APBB2: variants seen among roughly 807,000 people sequenced by gnomAD.
The protein encoded by APBB2 is Fe65-like 1.
APBB2 carries 38 observed loss-of-function variants against 82.5 expected under a neutral mutation model. That is an observed-to-expected ratio of 0.46 (90% CI 0.36 to 0.60). The LOEUF is 0.60. Ranked by LOEUF, APBB2 falls within the 20% of genes least tolerant of loss-of-function variation. The pLI is 0.00. For missense variants in APBB2, 772 were observed against 972.3 expected, an observed-to-expected ratio of 0.79 and a Z score of 2.74; for synonymous variants, 341 against 368.2, an observed-to-expected ratio of 0.93 and a Z score of 0.85.
rs752651644 is a variant in APBB2 at position 40,814,663 on chromosome 4, TAAG to T, written c.*1426_*1428del. ...ATGTTGTAAATGTTAATTTTGACAT[TAAG>T]AAGAAGTAAACAAGACTAATATTGA... On this transcript the variant is annotated 3_prime_UTR_variant, in exon 18 of 18. Transcript: ENST00000508593. The T allele has an allele frequency of 6.6e-6, 1 of 152,244 alleles. No homozygotes were observed. The highest frequency in any genetic ancestry group is 2.4e-5 in the African/African-American group (1 of 41,478). 9.4% of individuals were successfully genotyped at this position (152,244 alleles called of 1,614,324 possible). A position where few individuals can be genotyped will look rare whatever the true frequency, so the allele number is the denominator to read the frequency against.
At chr4:41,022,320 A>C (rs1278800433) in intron 5 of APBB2, among the ~76,000 whole-genome samples, 1 of 152,158 alleles carries the variant, frequency 6.6e-6, no homozygotes, top group Non-Finnish European at 1.5e-5. Flanking sequence ...CGGTGATTCT[A>C]ATCTGTGGCC....
chr4:40,879,637 A>C (rs1020540067), intron 12 of APBB2, among the ~76,000 whole-genome samples: 12 of 152,024 alleles, frequency 7.9e-5, no homozygotes, highest in Admixed American at 7.9e-4. Context: ...CTCATGTTAA[A>C]TTTCTCCTTA....
chr4:40,898,855 TCACACACACACACA>T (rs777366496), intron 10 of APBB2, among the ~76,000 whole-genome samples: 1 of 118,168 alleles, frequency 8.5e-6, no homozygotes, highest in East Asian at 3.0e-4. Context: ...ACACACACAC[TCACACACACACACA>T]CACACACACA....
At chr4:40,925,282 T>G (rs1425962214) in intron 10 of APBB2, among the ~76,000 whole-genome samples, 1 of 152,224 alleles carries the variant, frequency 6.6e-6, no homozygotes, top group Non-Finnish European at 1.5e-5. Context: ...CTAAGGACTG[T>G]TCCAAGACCT....
chr4:40,876,521 T>C (rs762648386), intron 12 of APBB2, among the ~76,000 whole-genome samples: 3 of 152,224 alleles, frequency 2.0e-5, no homozygotes, highest in Non-Finnish European at 4.4e-5. Context: ...AGCACGTTGC[T>C]GTATATACCG....
chr4:40,907,276 A>C (rs539812093), intron 10 of APBB2, among the ~76,000 whole-genome samples: 200 of 150,598 alleles, frequency 1.3e-3, no homozygotes, highest in African/African-American at 4.8e-3. Flanking sequence ...TAATTAAGTT[A>C]AATGAGCTCT....
intron 3 of APBB2, among the ~76,000 whole-genome samples, chr4:41,077,697 A>G (rs1348856288): frequency 1.3e-5 from 2 of 152,200 alleles, no homozygotes; most frequent in East Asian, 3.8e-4. Context: ...AAAAAATTCC[A>G]TCTACACATG....
At chr4:40,971,774 C>T (rs1026525826) in intron 6 of APBB2, among the ~76,000 whole-genome samples, 1 of 152,160 alleles carries the variant, frequency 6.6e-6, no homozygotes, top group African/African-American at 2.4e-5. Context: ...CTTAATCTGA[C>T]ACCAGGTGGC....
chr4:40,837,295 C>T (rs1190484285), intron 12 of APBB2, among the ~76,000 whole-genome samples: 4 of 152,248 alleles, frequency 2.6e-5, no homozygotes, highest in Non-Finnish European at 5.9e-5. Flanking sequence ...TGGTCCACTG[C>T]AGGCACCTTT....
intron 10 of APBB2, among the ~76,000 whole-genome samples, chr4:40,921,824 T>C (rs1781335594): frequency 6.6e-6 from 1 of 152,248 alleles, no homozygotes; most frequent in Admixed American, 6.5e-5. Context: ...GGGTCCATTT[T>C]CCAGCTTTGC....
chr4:41,093,989 A>G (rs1436352644), intron 3 of APBB2, among the ~76,000 whole-genome samples: 1 of 152,236 alleles, frequency 6.6e-6, no homozygotes, highest in Non-Finnish European at 1.5e-5. Flanking sequence ...AGCAGGCACC[A>G]AACAAGAGTG....
chr4:40,961,666 G>T (rs1793259039), intron 6 of APBB2, among the ~76,000 whole-genome samples: 1 of 6,714 alleles, frequency 1.5e-4, no homozygotes, highest in Non-Finnish European at 2.9e-4. Context: ...AAAAAAAGAT[G>T]TAAAAAAAAA....
intron 1 of APBB2, among the ~76,000 whole-genome samples, chr4:41,205,523 A>T (rs930039020): frequency 9.2e-5 from 14 of 152,332 alleles, no homozygotes; most frequent in Middle Eastern, 3.4e-3. Flanking sequence ...CAAAGCTATT[A>T]AAAATCTCAA....
In APBB2 at chr4:40,944,975, G is replaced by C. The variant is rs375419961; in HGVS notation, c.934C>G (p.Pro312Ala). The C allele has an allele frequency of 9.3e-6, 15 of 1,613,642 alleles. No homozygotes were observed. In the African/African-American group the frequency reaches 1.9e-4, roughly 20 times the overall value. ...DIAGTYYWHI[P>A]TGTTQWERPV... ...CGTTCCCACTGAGTCGTTCCTGTTG[G>C]GATGTGCCAATAATAGGTCCCGGCA... The change falls in exon 7 of 18, where the codon CCA becomes GCA. Residue 312 changes from proline to alanine, a missense_variant. Coordinates refer to ENST00000508593, the MANE Select transcript of APBB2 (RefSeq NM_004307.2).
At chr4:40,985,418 T>G (rs1560458124) in intron 6 of APBB2, among the ~76,000 whole-genome samples, 1 of 152,320 alleles carries the variant, frequency 6.6e-6, no homozygotes, top group East Asian at 1.9e-4. Flanking sequence ...GATTATTTAT[T>G]CTTAGTAGAA....
intron 12 of APBB2, among the ~76,000 whole-genome samples, chr4:40,843,147 T>C (rs10023774): frequency 0.045 from 6,878 of 152,276 alleles, 252 homozygotes; most frequent in African/African-American, 0.097. Flanking sequence ...CCGATTTGCA[T>C]GCACCGTACA....
chr4:41,100,971 C>T (rs929520170), intron 2 of APBB2, among the ~76,000 whole-genome samples: 5 of 152,146 alleles, frequency 3.3e-5, no homozygotes, highest in African/African-American at 9.7e-5. Flanking sequence ...ATTAAAGTTT[C>T]AAAAGCAGGA....
At chr4:40,895,154 G>A (rs1290947395) in intron 10 of APBB2, among the ~76,000 whole-genome samples, 4 of 152,086 alleles carry the variant, frequency 2.6e-5, no homozygotes, top group Non-Finnish European at 5.9e-5. Context: ...CCTCGTTCCT[G>A]AGCGGATGAT....
At chr4:41,034,019 C>T (rs183016029) in intron 4 of APBB2, among the ~76,000 whole-genome samples, 17 of 152,280 alleles carry the variant, frequency 1.1e-4, no homozygotes, top group African/African-American at 4.1e-4. Context: ...ACACTGGAAA[C>T]AGGAAGTTTC....
Sources: allele counts gnomAD v4.1 joint callset (sites outside exome capture counted in the v4.1 genomes callset), GRCh38; gene constraint gnomAD v4.1.1; transcripts MANE v1.5; gene names NCBI Gene and HGNC (gene_info 2026-07-23, HGNC 2026-07-21).